The following DRC9 variants were observed in gnomAD, a reference collection of about 807,000 sequenced individuals.
DRC9 encodes the protein dynein regulatory complex protein 9.
chr3:197,926,160 G>T, the DRC9 span: 1 of 950,908 alleles, frequency 1.1e-6, no homozygotes, highest in African/African-American at 1.6e-5. Context: ...AAACTTACGT[G>T]CACAAGGACC....
chr3:197,891,975 C>T, the DRC9 span, among the ~76,000 whole-genome samples: 11 of 152,292 alleles, frequency 7.2e-5, no homozygotes, highest in South Asian at 1.2e-3. Context: ...CTGCAACCTC[C>T]GCCTTCTGGG....
At chr3:197,951,462 C>T in the DRC9 span, 1 of 783,778 alleles carries the variant, frequency 1.3e-6, no homozygotes, top group Non-Finnish European at 2.1e-6. Context: ...AAGCAAGTGT[C>T]CTGTCTCAGC....
At chr3:197,920,163 C>G in the DRC9 span, among the ~76,000 whole-genome samples, 1 of 151,828 alleles carries the variant, frequency 6.6e-6, no homozygotes, top group Admixed American at 6.6e-5. Flanking sequence ...GAGCTGAGAT[C>G]GCGGCACTGC....
the DRC9 span, chr3:197,953,351 G>A: frequency 4.6e-6 from 2 of 438,270 alleles, no homozygotes; most frequent in Non-Finnish European, 9.2e-6. Context: ...ACTGCAGCCT[G>A]GGTGACAAGA....
Sources: gnomAD v4.1 joint callset for allele counts (sites outside exome capture counted in the v4.1 genomes callset) on GRCh38, gnomAD v4.1.1 for gene constraint, MANE v1.5 for transcripts, NCBI Gene and HGNC (gene_info 2026-07-23, HGNC 2026-07-21) for gene names.